The following RALYL variants were observed in gnomAD, a reference collection of about 807,000 sequenced individuals.
RALYL encodes the protein RALY RNA binding protein like, also known as RNA-binding Raly-like protein.
RALYL carries 29 observed loss-of-function variants against 35.1 expected under a neutral mutation model. The observed-to-expected ratio is 0.83, with a 90% CI of 0.61 to 1.13. The LOEUF is 1.13. Among genes scored for constraint, RALYL ranks in the 50% most tolerant of loss-of-function variants. RALYL has a pLI of 0.00. For synonymous variants in RALYL, 120 were observed against 127.6 expected (o/e 0.94, Z 0.40); for missense variants, 359 against 360.4 (o/e 1.00, Z 0.03).
chr8:84,497,022 G>A (rs1367300435), intron 1 of RALYL, among the ~76,000 whole-genome samples: 1 of 152,098 alleles, frequency 6.6e-6, no homozygotes, highest in Non-Finnish European at 1.5e-5. Context: ...AACTGCTTGA[G>A]TACTCAATAT....
At chr8:84,423,596 T>G (rs2045954479) in intron 1 of RALYL, among the ~76,000 whole-genome samples, 1 of 152,110 alleles carries the variant, frequency 6.6e-6, no homozygotes, top group Admixed American at 6.5e-5. Context: ...GTCATTATGA[T>G]TATAGCTGGT....
chr8:84,733,881 AAAATG>A (rs1218009074), intron 2 of RALYL, among the ~76,000 whole-genome samples: 1 of 152,222 alleles, frequency 6.6e-6, no homozygotes, highest in East Asian at 1.9e-4. Context: ...GCATGTGCAG[AAAATG>A]CTACCAATTT....
At chr8:84,907,369 A>AT (rs902361156) in intron 8 of RALYL, among the ~76,000 whole-genome samples, 1 of 151,470 alleles carries the variant, frequency 6.6e-6, no homozygotes, top group Non-Finnish European at 1.5e-5. Flanking sequence ...AACTGAGAGG[A>AT]TTTTTATTTT....
intron 2 of RALYL, among the ~76,000 whole-genome samples, chr8:84,743,501 TG>T (rs1271342472): frequency 6.6e-6 from 1 of 152,026 alleles, no homozygotes; most frequent in Non-Finnish European, 1.5e-5. Context: ...GAAAACATAT[TG>T]GCCTAAGAAA....
intron 2 of RALYL, among the ~76,000 whole-genome samples, chr8:84,645,764 C>T (rs1462255525): frequency 6.6e-6 from 1 of 152,052 alleles, no homozygotes; most frequent in Non-Finnish European, 1.5e-5. Flanking sequence ...ATTCCTTTCA[C>T]ACTTCAAGGA....
chr8:84,262,387 A>G (rs1403434479), intron 1 of RALYL, among the ~76,000 whole-genome samples: 6 of 152,198 alleles, frequency 3.9e-5, no homozygotes, highest in African/African-American at 7.2e-5. Context: ...AAAACAGACA[A>G]TCTTTCAATG....
intron 2 of RALYL, among the ~76,000 whole-genome samples, chr8:84,546,734 T>A (rs2060382645): frequency 6.6e-6 from 1 of 152,320 alleles, no homozygotes; most frequent in East Asian, 1.9e-4. Flanking sequence ...TATGCTTGGG[T>A]TATCTGATCT....
At position 84,206,466 on chromosome 8, in the gene RALYL, G is replaced by A. The variant is rs1033537301; in HGVS notation, c.-24+22042G>A. 1.8e-4 allele frequency among the ~76,000 whole-genome samples: 27 copies of A among 152,208 alleles called. 1 individual carries two copies. Among genetic ancestry groups the A allele is most frequent in the Admixed American group, 6.5e-4 (10 of 15,284 alleles). The stretch of plus-strand genomic sequence containing the variant: ...ATTATTTCATCAAGGCTATATACAC[G>A]AGACACTGAAAAAACAGTTTAGTGA... On this transcript the variant is annotated intron_variant, in intron 1 of 8. Coordinates refer to ENST00000521268, the MANE Select transcript of RALYL (RefSeq NM_173848.7).
At chr8:84,419,605 T>C (rs2045219679) in intron 1 of RALYL, among the ~76,000 whole-genome samples, 1 of 151,556 alleles carries the variant, frequency 6.6e-6, no homozygotes, top group Non-Finnish European at 1.5e-5. Context: ...TGCAGGTTAG[T>C]TACATATGTA....
At chr8:84,247,380 A>G (rs1040802873) in intron 1 of RALYL, among the ~76,000 whole-genome samples, 2 of 152,108 alleles carry the variant, frequency 1.3e-5, no homozygotes, top group Non-Finnish European at 2.9e-5. Flanking sequence ...CTTAAGAGGT[A>G]CATGTAACTG....
At chr8:84,619,475 G>T (rs1187578285) in intron 2 of RALYL, among the ~76,000 whole-genome samples, 1 of 146,748 alleles carries the variant, frequency 6.8e-6, no homozygotes, top group South Asian at 2.3e-4. Flanking sequence ...TTTATTTTGA[G>T]CCTATGTGTG....
At chr8:84,766,656 A>G (rs1434730033) in intron 2 of RALYL, among the ~76,000 whole-genome samples, 2 of 141,436 alleles carry the variant, frequency 1.4e-5, no homozygotes, top group Non-Finnish European at 3.0e-5. Flanking sequence ...CCCGAGAGGC[A>G]GAGGTTGCAG....
rs1810752168 is a variant in RALYL at position 84,581,218 on chromosome 8, AAGTTCAGTTGTT to A, written c.256+51643_256+51654del. On this transcript the variant is annotated intron_variant, in intron 2 of 8. Coordinates refer to ENST00000521268, the MANE Select transcript of RALYL (RefSeq NM_173848.7). ...TTCCACTGGTTTCAGCTAAGTCATT[AAGTTCAGTTGTT>A]ATTCAAAGGAAGGTGACATAGATCT... is the stretch of plus-strand genomic sequence containing the variant. 2.0e-5 allele frequency among the ~76,000 whole-genome samples: 3 copies of A among 152,288 alleles called. No homozygotes were observed. In the South Asian group the frequency reaches 6.2e-4, roughly 32 times the overall value.
At chr8:84,791,633 A>G (rs1820802625) in intron 3 of RALYL, among the ~76,000 whole-genome samples, 1 of 152,182 alleles carries the variant, frequency 6.6e-6, no homozygotes, top group Non-Finnish European at 1.5e-5. Context: ...GTTAAACGGT[A>G]GCAACTGAGA....
intron 6 of RALYL, chr8:84,872,979 T>A (rs558165950): frequency 4.6e-6 from 1 of 219,024 alleles, no homozygotes; most frequent in Non-Finnish European, 8.9e-6. Flanking sequence ...TACTCTATTT[T>A]GTAAAATTTA....
At chr8:84,497,931 A>G (rs1369331396) in intron 1 of RALYL, among the ~76,000 whole-genome samples, 2 of 148,254 alleles carry the variant, frequency 1.3e-5, no homozygotes, top group South Asian at 2.1e-4. Context: ...GTGAGGAACC[A>G]CGCCCAGCCT....
At chr8:84,555,962 T>G (rs1407017799) in intron 2 of RALYL, among the ~76,000 whole-genome samples, 1 of 152,210 alleles carries the variant, frequency 6.6e-6, no homozygotes. Context: ...TCATAAACAT[T>G]AGAAAGAACA....
intron 1 of RALYL, among the ~76,000 whole-genome samples, chr8:84,435,204 G>C (rs1042231051): frequency 6.6e-6 from 1 of 151,618 alleles, no homozygotes; most frequent in African/African-American, 2.4e-5. Context: ...ATTTCTTTCT[G>C]TACCAGAGCT....
chr8:84,652,678 T>C (rs538919142), intron 2 of RALYL, among the ~76,000 whole-genome samples: 1 of 152,224 alleles, frequency 6.6e-6, no homozygotes, highest in South Asian at 2.1e-4. Flanking sequence ...ATAATATGTT[T>C]AAGTCCATAA....
Sources: gnomAD v4.1 joint callset for allele counts (sites outside exome capture counted in the v4.1 genomes callset) on GRCh38, gnomAD v4.1.1 for gene constraint, MANE v1.5 for transcripts, NCBI Gene and HGNC (gene_info 2026-07-23, HGNC 2026-07-21) for gene names.